Variants in PFKFB3 observed in about 807,000 individuals in gnomAD.
PFKFB3 encodes the protein 6-phosphofructo-2-kinase/fructose-2,6-bisphosphatase 3.
A neutral mutation model predicts 68.0 loss-of-function variants in PFKFB3; 33 were observed. The observed-to-expected ratio is 0.49, with a 90% CI of 0.37 to 0.65. The LOEUF (loss-of-function observed/expected upper bound fraction) is 0.65. PFKFB3 is among the 30% of genes least tolerant of loss of function. PFKFB3 has a pLI of 0.00. For synonymous variants in PFKFB3, 315 were observed against 288.2 expected (o/e 1.09, Z -0.94); for missense variants, 586 against 712.2 (o/e 0.82, Z 2.02).
upstream of PFKFB3, among the ~76,000 whole-genome samples, chr10:6,198,472 A>G (rs546898749): frequency 3.2e-4 from 48 of 152,166 alleles, no homozygotes; most frequent in African/African-American, 1.1e-3. Context: ...AAAATATATG[A>G]TATTTGTAGA....
chr10:6,223,025 G>A (rs777276479), intron 11 of PFKFB3, 41 bp downstream of exon 11: 92 of 1,596,166 alleles, frequency 5.8e-5, no homozygotes, highest in Non-Finnish European at 7.3e-5. Flanking sequence ...GAGGGAGGAG[G>A]GGACTGGCAC....
At chr10:6,202,348 T>C (rs1322185763), upstream of PFKFB3, 3 of 152,272 alleles carry the variant, frequency 2.0e-5, no homozygotes, top group African/African-American at 7.2e-5. Flanking sequence ...GGTGGGAGGA[T>C]CAGGGAAGCC....
At chr10:6,288,697 A>C in the PFKFB3 span, among the ~76,000 whole-genome samples, 5,793 of 152,020 alleles carry the variant, frequency 0.038, 358 homozygotes, top group African/African-American at 0.13. Flanking sequence ...AGCATGATTT[A>C]TAGTCCTTTG....
chr10:6,212,931 C>T (rs1033702235), intron 1 of PFKFB3, among the ~76,000 whole-genome samples: 3 of 152,148 alleles, frequency 2.0e-5, no homozygotes, highest in African/African-American at 7.2e-5. Flanking sequence ...AGCCCCTGCC[C>T]CTCTGTCCCC....
chr10:6,189,601 A>G (rs929623640), intron 1 of PFKFB3, among the ~76,000 whole-genome samples: 49 of 141,814 alleles, frequency 3.5e-4, no homozygotes, highest in Non-Finnish European at 6.2e-4. Flanking sequence ...TACAACCACC[A>G]CCTCCCAGGT....
intron 1 of PFKFB3, among the ~76,000 whole-genome samples, chr10:6,204,247 A>T (rs2131866884): frequency 6.6e-6 from 1 of 152,334 alleles, no homozygotes; most frequent in Non-Finnish European, 1.5e-5. Flanking sequence ...CTCTCCAGGT[A>T]ATGCGCCCCG....
upstream of PFKFB3, among the ~76,000 whole-genome samples, chr10:6,200,683 T>TGGGGGGGGGGGGGGGGG (rs1564613510): frequency 1.0e-4 from 1 of 9,644 alleles, no homozygotes; most frequent in African/African-American, 3.6e-4. Context: ...GGGCGGGGGG[T>TGGGGGGGGGGGGGGGGG]GGTGGTGGGG....
chr10:6,245,157 C>T (rs553087423), intron 14 of PFKFB3, among the ~76,000 whole-genome samples: 35 of 149,990 alleles, frequency 2.3e-4, no homozygotes, highest in Non-Finnish European at 4.2e-4. Context: ...AATGCAGTGG[C>T]ACGATCTCAG....
chr10:6,259,646 C>A, the PFKFB3 span, among the ~76,000 whole-genome samples: 43 of 152,344 alleles, frequency 2.8e-4, no homozygotes, highest in African/African-American at 9.6e-4. Flanking sequence ...GTCCATCCAT[C>A]CATCCTTCCA....
At chr10:6,164,322 C>T (rs1842064547) in intron 1 of PFKFB3, among the ~76,000 whole-genome samples, 1 of 152,188 alleles carries the variant, frequency 6.6e-6, no homozygotes, top group Admixed American at 6.5e-5. Context: ...CCATCCGAAT[C>T]TTCATGAACA....
At chr10:6,311,204 A>G in the PFKFB3 span, among the ~76,000 whole-genome samples, 1 of 152,188 alleles carries the variant, frequency 6.6e-6, no homozygotes, top group Non-Finnish European at 1.5e-5. Flanking sequence ...AGACATTCAC[A>G]GCCCTTTCTC....
chr10:6,216,067 G>C (rs961077157), intron 3 of PFKFB3, 58 bp from the exon 4 acceptor site: 18 of 1,496,858 alleles, frequency 1.2e-5, no homozygotes, highest in Non-Finnish European at 1.7e-5. Context: ...GGAGTTGCTT[G>C]GGCTGCCCCA....
chr10:6,216,730 A>G lies in PFKFB3; in HGVS notation c.391A>G (p.Arg131Gly), dbSNP rs1244780239. 1 of 1,613,120 alleles carries G rather than the reference A, an allele frequency of 6.2e-7. No individual in the cohort carries two copies. The highest frequency in any genetic ancestry group is 8.5e-7 in the Non-Finnish European group (1 of 1,179,052). Residue 131 changes from arginine (R) to glycine (G), a missense_variant, in exon 5 of 15, where the codon AGA (arginine) becomes GGA (glycine). By Grantham distance (125) the Arg-to-Gly change is moderately radical. Transcript: ENST00000379775. ...GGTTTTCGATGCCACCAATACTACTAGAGAGAGGAGACACATGATCCTTCA... is the reference window on the plus strand; with the variant it reads ...GGTTTTCGATGCCACCAATACTACTGGAGAGAGGAGACACATGATCCTTCA... ...IAVFDATNTT[R>G]ERRHMILHFA...
At chr10:6,155,123 T>A (rs1032650391) in intron 1 of PFKFB3, among the ~76,000 whole-genome samples, 1 of 152,058 alleles carries the variant, frequency 6.6e-6, no homozygotes, top group African/African-American at 2.4e-5. Flanking sequence ...GGCAAAGAAT[T>A]CCGAAAGGTT....
chr10:6,171,396 CTTTCTT>C (rs1564595868), intron 1 of PFKFB3, among the ~76,000 whole-genome samples: 1 of 150,182 alleles, frequency 6.7e-6, no homozygotes, highest in Non-Finnish European at 1.5e-5. Context: ...ATTGTTCTTT[CTTTCTT>C]TTTTTTTTTT....
intron 14 of PFKFB3, among the ~76,000 whole-genome samples, chr10:6,227,859 A>G (rs1477816310): frequency 1.3e-5 from 2 of 152,126 alleles, no homozygotes; most frequent in Non-Finnish European, 2.9e-5. Flanking sequence ...CAGAACTGAA[A>G]TGGTGTCCCT....
chr10:6,156,129 A>ATGTGTGTGTGTG (rs112267780), intron 1 of PFKFB3, among the ~76,000 whole-genome samples: 6,754 of 96,736 alleles, frequency 0.07, 193 homozygotes, highest in South Asian at 0.086. Context: ...GTACATATAT[A>ATGTGTGTGTGTG]TGTGTGTGTG....
chr10:6,169,120 T>G (rs1842228643), intron 1 of PFKFB3, among the ~76,000 whole-genome samples: 1 of 152,204 alleles, frequency 6.6e-6, no homozygotes, highest in African/African-American at 2.4e-5. Flanking sequence ...TTTTGTATTT[T>G]TAGTAGAGAC....
chr10:6,239,893 C>G (rs1450352651), downstream of PFKFB3, among the ~76,000 whole-genome samples: 21 of 152,064 alleles, frequency 1.4e-4, no homozygotes, highest in Admixed American at 1.3e-3. Flanking sequence ...AGGCTGATCT[C>G]GAACTCCTGG....
Sources: allele counts gnomAD v4.1 joint callset (sites outside exome capture counted in the v4.1 genomes callset), GRCh38; gene constraint gnomAD v4.1.1; transcripts MANE v1.5; gene names NCBI Gene and HGNC (gene_info 2026-07-23, HGNC 2026-07-21).